SORCS3: variants seen among roughly 807,000 people sequenced by gnomAD.
SORCS3 encodes VPS10 domain-containing receptor SorCS3.
In SORCS3, 57 loss-of-function variants were observed where a neutral mutation model predicts 146.3. That is an observed-to-expected ratio of 0.39 (90% CI 0.31 to 0.49). The LOEUF is 0.49. Among genes scored for constraint, SORCS3 ranks in the 20% least tolerant of loss-of-function variants. The probability of loss-of-function intolerance (pLI) is 0.92; values close to 1 mark genes in which losing one functional copy is unlikely to be tolerated. For missense variants in SORCS3, 1,341 were observed against 1,575.5 expected (o/e 0.85, Z 2.52); for synonymous variants, 653 against 618.5 (o/e 1.06, Z -0.83).
At chr10:104,648,029 C>A (rs2015514960) in intron 1 of SORCS3, among the ~76,000 whole-genome samples, 1 of 152,174 alleles carries the variant, frequency 6.6e-6, no homozygotes, top group Admixed American at 6.5e-5. Context: ...CATGGTCCTG[C>A]CGACATGCTT....
Position 104,696,389 on chromosome 10 carries a change from T to TAATATACAATATAC in SORCS3, c.627+54441_627+54442insCAATATACAATATA, listed in dbSNP as rs2016195287. On this transcript the variant is annotated intron_variant, in intron 1 of 26. Transcript: ENST00000369701. ...TATATAGTATATAATATATATTATATAATATATAATATATAATATAGAATA... is the reference window on the plus strand; with the variant it reads ...TATATAGTATATAATATATATTATATAATATACAATATACAATATATAATATATAATATAGAATA... Among the ~76,000 whole-genome samples the TAATATACAATATAC allele has an allele frequency of 1.4e-4, 2 of 14,352 alleles. 1 individual carries two copies. Among genetic ancestry groups the TAATATACAATATAC allele is most frequent in the Admixed American group, 2.7e-3 (2 of 738 alleles). 9.4% of individuals were successfully genotyped at this position (14,352 alleles called of 152,430 possible).
chr10:104,807,781 T>C (rs1005389465), intron 1 of SORCS3, among the ~76,000 whole-genome samples: 1 of 152,172 alleles, frequency 6.6e-6, no homozygotes, highest in African/African-American at 2.4e-5. Flanking sequence ...CAGATGGATT[T>C]ATAGCGATGA....
At chr10:105,261,599 G>A (rs1170210504) in intron 25 of SORCS3, among the ~76,000 whole-genome samples, 3 of 152,192 alleles carry the variant, frequency 2.0e-5, no homozygotes, top group Admixed American at 6.5e-5. Flanking sequence ...CACACAGTGT[G>A]TGAGGAGATA....
intron 1 of SORCS3, among the ~76,000 whole-genome samples, chr10:104,806,033 G>C (rs1452770468): frequency 6.6e-6 from 1 of 152,126 alleles, no homozygotes; most frequent in Non-Finnish European, 1.5e-5. Context: ...GATAAGTTTG[G>C]AATATTTGGG....
chr10:104,759,436 CCCCTGGGGA>C (rs1236787458), intron 1 of SORCS3, among the ~76,000 whole-genome samples: 1 of 152,180 alleles, frequency 6.6e-6, no homozygotes, highest in African/African-American at 2.4e-5. Context: ...GCCAAATAAT[CCCCTGGGGA>C]GGGGACATGA....
At chr10:105,110,933 A>G (rs1373147006) in intron 7 of SORCS3, among the ~76,000 whole-genome samples, 6 of 152,154 alleles carry the variant, frequency 3.9e-5, no homozygotes, top group East Asian at 1.9e-4. Flanking sequence ...GGCTAAATCA[A>G]TATTTCTACA....
chr10:104,960,426 C>T (rs1476440990), intron 3 of SORCS3, among the ~76,000 whole-genome samples: 1 of 152,036 alleles, frequency 6.6e-6, no homozygotes, highest in East Asian at 1.9e-4. Context: ...GCTGGGAAGT[C>T]CAAGGTCAAG....
intron 14 of SORCS3, among the ~76,000 whole-genome samples, chr10:105,198,676 C>T (rs2056557397): frequency 6.6e-6 from 1 of 152,164 alleles, no homozygotes. Context: ...ACAGTGTCAG[C>T]TGCATATGTT....
intron 14 of SORCS3, among the ~76,000 whole-genome samples, chr10:105,189,473 A>G (rs1389632107): frequency 1.3e-5 from 2 of 152,220 alleles, no homozygotes; most frequent in Non-Finnish European, 2.9e-5. Context: ...TGGAAAATGC[A>G]GAGCACCCTT....
At chr10:105,251,001 A>T (rs956097579) in intron 22 of SORCS3, among the ~76,000 whole-genome samples, 1 of 152,126 alleles carries the variant, frequency 6.6e-6, no homozygotes, top group Non-Finnish European at 1.5e-5. Context: ...TATTTATTTA[A>T]TTTTTACTCT....
chr10:104,775,584 G>C (rs762113019), intron 1 of SORCS3, among the ~76,000 whole-genome samples: 3 of 152,190 alleles, frequency 2.0e-5, no homozygotes, highest in Non-Finnish European at 4.4e-5. Flanking sequence ...TGCTCCTGTT[G>C]ACAATCAGGA....
chr10:105,060,867 G>A (rs10884085), intron 5 of SORCS3, among the ~76,000 whole-genome samples: 70,722 of 151,606 alleles, frequency 0.47, 19,155 homozygotes, highest in East Asian at 0.7. Flanking sequence ...AACCCGGGAG[G>A]CGGAGGTTGT....
chr10:105,066,522 C>T (rs1032097818), intron 5 of SORCS3, among the ~76,000 whole-genome samples: 2 of 152,274 alleles, frequency 1.3e-5, no homozygotes, highest in African/African-American at 4.8e-5. Flanking sequence ...GGATTTGCTG[C>T]CTCACATTTG....
At chr10:105,041,079 GTA>G (rs1166154077) in intron 4 of SORCS3, among the ~76,000 whole-genome samples, 1 of 114,268 alleles carries the variant, frequency 8.8e-6, no homozygotes, top group Non-Finnish European at 1.7e-5. Flanking sequence ...ATGTATGTAT[GTA>G]TATATATTTA....
At position 104,707,396 on chromosome 10, in the gene SORCS3, A is replaced by T. The variant is rs564767250; in HGVS notation, c.627+65442A>T. Among the ~76,000 whole-genome samples the T allele has an allele frequency of 9.2e-5, 14 of 152,310 alleles. No individual in the cohort carries two copies. In the South Asian group the frequency reaches 1.9e-3, roughly 20 times the overall value. The stretch of plus-strand genomic sequence containing the variant: ...TTATAAATATTAATTGTATCTGGGG[A>T]CAGCACAGGAACCTGCTATGGGGGC... On this transcript the variant is annotated intron_variant, in intron 1 of 26. Transcript: ENST00000369701.
intron 17 of SORCS3, among the ~76,000 whole-genome samples, chr10:105,213,610 G>T (rs1471269179): frequency 6.6e-6 from 1 of 152,184 alleles, no homozygotes; most frequent in Non-Finnish European, 1.5e-5. Flanking sequence ...CCATCATGCA[G>T]ATCAGGGTTG....
At chr10:105,001,245 C>T (rs751015877) in intron 4 of SORCS3, among the ~76,000 whole-genome samples, 2 of 152,072 alleles carry the variant, frequency 1.3e-5, no homozygotes, top group Non-Finnish European at 2.9e-5. Flanking sequence ...TAGGAGCCAG[C>T]AAAGGAGAGA....
At chr10:104,913,116 A>G (rs1047229971) in intron 2 of SORCS3, among the ~76,000 whole-genome samples, 4 of 152,192 alleles carry the variant, frequency 2.6e-5, no homozygotes, top group African/African-American at 4.8e-5. Flanking sequence ...CAGATTTTAC[A>G]AGACTTAAGC....
chr10:104,930,551 A>G (rs1040200779), intron 3 of SORCS3, among the ~76,000 whole-genome samples: 4 of 152,198 alleles, frequency 2.6e-5, no homozygotes, highest in African/African-American at 7.2e-5. Context: ...GGAGTTGCTG[A>G]GTTTTCTGAA....
Sources: gnomAD v4.1 joint callset for allele counts (sites outside exome capture counted in the v4.1 genomes callset) on GRCh38, gnomAD v4.1.1 for gene constraint, MANE v1.5 for transcripts, NCBI Gene and HGNC (gene_info 2026-07-23, HGNC 2026-07-21) for gene names.